Variants in TRMT44 observed in about 807,000 individuals in gnomAD.
The protein encoded by TRMT44 is tRNA methyltransferase 44 homolog.
TRMT44 carries 78 observed loss-of-function variants against 77.3 expected under a neutral mutation model. That is an observed-to-expected ratio of 1.01 (90% CI 0.84 to 1.22). The LOEUF (loss-of-function observed/expected upper bound fraction) is 1.22. Ranked by LOEUF, TRMT44 falls within the 50% of genes most tolerant of loss-of-function variation. The pLI is 0.00. For missense variants in TRMT44, 1,090 were observed against 964.4 expected, an observed-to-expected ratio of 1.13 and a Z score of -1.73; for synonymous variants, 391 against 383.3, an observed-to-expected ratio of 1.02 and a Z score of -0.23.
intron 2 of TRMT44, among the ~76,000 whole-genome samples, chr4:8,489,094 C>T (rs1416555164): frequency 6.6e-6 from 1 of 152,252 alleles, no homozygotes; most frequent in African/African-American, 2.4e-5. Context: ...CATCCGGCAA[C>T]TCAGGAGGGC....
At chr4:8,460,043 A>G (rs1030385304) in intron 6 of TRMT44, among the ~76,000 whole-genome samples, 4 of 152,142 alleles carry the variant, frequency 2.6e-5, no homozygotes, top group East Asian at 1.9e-4. Flanking sequence ...TGGGCACTAG[A>G]GCCATGTGAC....
chr4:8,464,178 C>G (rs901634208), intron 7 of TRMT44, 87 bp downstream of exon 7: 2 of 1,004,718 alleles, frequency 2.0e-6, no homozygotes, highest in Middle Eastern at 2.1e-4. Context: ...CCACTAGCTG[C>G]GTGCAGTTGT....
chr4:8,481,013 C>T (rs554697866), downstream of TRMT44, among the ~76,000 whole-genome samples: 1 of 152,348 alleles, frequency 6.6e-6, no homozygotes, highest in East Asian at 1.9e-4. Flanking sequence ...CAGACCCTCC[C>T]AATCCTGAGG....
At chr4:8,447,740 A>C (rs1195227917) in intron 2 of TRMT44, among the ~76,000 whole-genome samples, 22 of 152,186 alleles carry the variant, frequency 1.4e-4, no homozygotes, top group Non-Finnish European at 3.2e-4. Flanking sequence ...CCGAGTTGTC[A>C]GGGGATCCTG....
the TRMT44 span, among the ~76,000 whole-genome samples, chr4:8,515,773 G>A: frequency 2.0e-5 from 3 of 152,172 alleles, no homozygotes; most frequent in South Asian, 2.1e-4. Flanking sequence ...CTCAGCCTCC[G>A]CTCAAACGTT....
chr4:8,467,357 G>T (rs376400919), intron 8 of TRMT44, among the ~76,000 whole-genome samples: 2 of 152,324 alleles, frequency 1.3e-5, no homozygotes, highest in East Asian at 1.9e-4. Flanking sequence ...GAGTTTAGGC[G>T]CCTTTGTTAG....
the TRMT44 span, among the ~76,000 whole-genome samples, chr4:8,508,554 C>G: frequency 1.3e-5 from 2 of 152,212 alleles, no homozygotes; most frequent in Non-Finnish European, 2.9e-5. Flanking sequence ...TGCAGACATT[C>G]GGAAGTGTCC....
chr4:8,513,543 C>T, the TRMT44 span, among the ~76,000 whole-genome samples: 1 of 152,018 alleles, frequency 6.6e-6, no homozygotes, highest in Non-Finnish European at 1.5e-5. Flanking sequence ...TAAGTCAGAC[C>T]ATAATAGAAT....
chr4:8,483,500 A>T (rs570538099), intron 2 of TRMT44, among the ~76,000 whole-genome samples: 20 of 152,330 alleles, frequency 1.3e-4, no homozygotes, highest in African/African-American at 4.6e-4. Flanking sequence ...CAGGAGCTCA[A>T]ATGGGCTGTA....
chr4:8,447,968 A>C (rs952881521), intron 2 of TRMT44, among the ~76,000 whole-genome samples: 3 of 152,072 alleles, frequency 2.0e-5, no homozygotes, highest in African/African-American at 7.2e-5. Flanking sequence ...GCTGCGTTGG[A>C]GTGACTTTCA....
At position 8,454,385 on chromosome 4, in the gene TRMT44, A is replaced by G. The variant is rs1026053404; in HGVS notation, c.1132-357A>G. 3.8e-5 allele frequency: 9 copies of G among 239,476 alleles called. No homozygotes were observed. In the Admixed American group the frequency reaches 4.4e-4, roughly 12 times the overall value. 14.8% of individuals were successfully genotyped at this position (239,476 alleles called of 1,614,324 possible). On this transcript the variant is annotated intron_variant, in intron 5 of 10. Transcript: ENST00000389737. ...TGTCATCCATGAATGCTAATGACAC[A>G]CTTGAAAAAGGGCACTGTAACAACC...
chr4:8,453,052 G>A (rs1318588488), intron 5 of TRMT44, 63 bp downstream of exon 5: 4 of 993,568 alleles, frequency 4.0e-6, no homozygotes, highest in Admixed American at 3.0e-5. Flanking sequence ...GTCAGGCACA[G>A]GGTTCACTGA....
intron 10 of TRMT44, among the ~76,000 whole-genome samples, chr4:8,473,038 G>A (rs989889850): frequency 6.6e-5 from 10 of 152,344 alleles, no homozygotes; most frequent in African/African-American, 2.4e-4. Context: ...CCTGGGAATT[G>A]GGTTCCAAAT....
At chr4:8,479,940 C>T (rs1206873439), downstream of TRMT44, among the ~76,000 whole-genome samples, 1 of 152,032 alleles carries the variant, frequency 6.6e-6, no homozygotes, top group Non-Finnish European at 1.5e-5. Context: ...TGTAGTGGCG[C>T]CATCTCGGCT....
chr4:8,471,552 G>T (rs1727001548), intron 10 of TRMT44, among the ~76,000 whole-genome samples: 1 of 152,252 alleles, frequency 6.6e-6, no homozygotes, highest in Admixed American at 6.5e-5. Context: ...TCATTGTTTG[G>T]CGTCATCTTT....
intron 2 of TRMT44, among the ~76,000 whole-genome samples, chr4:8,449,436 C>T (rs1206740883): frequency 6.6e-6 from 1 of 152,274 alleles, no homozygotes; most frequent in East Asian, 1.9e-4. Context: ...TCAGGGGCTT[C>T]GCAGTGTGTA....
rs112069468 is a variant in TRMT44 at position 8,463,883 on chromosome 4, G to A, written c.1204-102G>A. Reference sequence around the variant, plus strand: ...TGCAGCAGGTGAACTGCGGCTCTGCGCTGTGTGACTCCAGAGCCTGTACCC... The same window carrying A: ...TGCAGCAGGTGAACTGCGGCTCTGCACTGTGTGACTCCAGAGCCTGTACCC... On this transcript the variant is annotated intron_variant, in intron 6 of 10. Coordinates refer to ENST00000389737, the MANE Select transcript of TRMT44 (RefSeq NM_152544.3). 2.9e-3 allele frequency: 2,651 copies of A among 924,014 alleles called. 51 individuals carry two copies. The African/African-American group carries it at 0.036, about 13-fold the overall frequency. 57.2% of individuals were successfully genotyped at this position (924,014 alleles called of 1,614,324 possible). A position where few individuals can be genotyped will look rare whatever the true frequency, so the allele number is the denominator to read the frequency against.
chr4:8,503,544 A>G, the TRMT44 span, among the ~76,000 whole-genome samples: 1 of 152,154 alleles, frequency 6.6e-6, no homozygotes, highest in African/African-American at 2.4e-5. Context: ...TCAGGCAGCC[A>G]CCCGGATGGA....
intron 6 of TRMT44, among the ~76,000 whole-genome samples, chr4:8,458,350 C>G (rs6815431): frequency 0.056 from 8,517 of 152,274 alleles, 397 homozygotes; most frequent in African/African-American, 0.13. Flanking sequence ...TCTTCCTTCT[C>G]CTCCTCAGCC....
Sources: gnomAD v4.1 joint callset for allele counts (sites outside exome capture counted in the v4.1 genomes callset) on GRCh38, gnomAD v4.1.1 for gene constraint, MANE v1.5 for transcripts, NCBI Gene and HGNC (gene_info 2026-07-23, HGNC 2026-07-21) for gene names.